LRP1B: variants seen among roughly 807,000 people sequenced by gnomAD.
LRP1B encodes LDL receptor related protein 1B.
LRP1B carries 217 observed loss-of-function variants against 556.6 expected under a neutral mutation model. That is an observed-to-expected ratio of 0.39 (90% CI 0.35 to 0.44). The LOEUF is 0.44. Ranked by LOEUF, LRP1B falls within the 20% of genes least tolerant of loss-of-function variation. LRP1B has a pLI of 1.00. For missense variants in LRP1B, 5,053 were observed against 5,620.8 expected, an observed-to-expected ratio of 0.90 and a Z score of 3.23; for synonymous variants, 2,047 against 1,865.8, an observed-to-expected ratio of 1.10 and a Z score of -2.50.
chr2:141,951,715 C>T (rs2105034792), intron 1 of LRP1B, among the ~76,000 whole-genome samples: 1 of 152,102 alleles, frequency 6.6e-6, no homozygotes, highest in Non-Finnish European at 1.5e-5. Flanking sequence ...CATATATAGA[C>T]AATTGGATTT....
chr2:141,469,166 C>G (rs1682358688), intron 3 of LRP1B, among the ~76,000 whole-genome samples: 2 of 152,132 alleles, frequency 1.3e-5, no homozygotes, highest in African/African-American at 4.8e-5. Context: ...CATCTAAATT[C>G]AAATATGCAA....
At chr2:141,314,853 T>TAC (rs1161398840) in intron 3 of LRP1B, among the ~76,000 whole-genome samples, 2 of 126,968 alleles carry the variant, frequency 1.6e-5, no homozygotes, top group Non-Finnish European at 3.3e-5. Context: ...TACACATATA[T>TAC]ATACATATAT....
intron 7 of LRP1B, among the ~76,000 whole-genome samples, chr2:141,081,973 GT>G (rs1444955560): frequency 2.0e-5 from 3 of 152,000 alleles, no homozygotes; most frequent in Admixed American, 6.6e-5. Flanking sequence ...TATTGTCAAT[GT>G]TTTTTATAAA....
chr2:141,585,475 G>T (rs566640893), intron 2 of LRP1B, among the ~76,000 whole-genome samples: 1 of 150,360 alleles, frequency 6.7e-6, no homozygotes, highest in Non-Finnish European at 1.5e-5. Flanking sequence ...GTGTGATGGG[G>T]TGGGGCTGAG....
At chr2:141,866,689 T>G (rs1213696400) in intron 1 of LRP1B, among the ~76,000 whole-genome samples, 1 of 151,768 alleles carries the variant, frequency 6.6e-6, no homozygotes, top group African/African-American at 2.4e-5. Context: ...CACAGCTCTA[T>G]TTGGTATTTA....
chr2:140,523,967 C>T (rs1483299962), intron 49 of LRP1B, among the ~76,000 whole-genome samples: 1 of 151,730 alleles, frequency 6.6e-6, no homozygotes, highest in Non-Finnish European at 1.5e-5. Flanking sequence ...CAGAAATTGA[C>T]AAATGGGACT....
At chr2:140,470,391 C>T (rs552306542) in intron 60 of LRP1B, among the ~76,000 whole-genome samples, 64 of 152,188 alleles carry the variant, frequency 4.2e-4, no homozygotes, top group African/African-American at 1.5e-3. Flanking sequence ...CGCCTGTAAT[C>T]CCAGCACTTT....
At chr2:141,340,383 C>T (rs570785478) in intron 3 of LRP1B, among the ~76,000 whole-genome samples, 104 of 152,276 alleles carry the variant, frequency 6.8e-4, no homozygotes, top group African/African-American at 2.4e-3. Context: ...CTTTTCTTCA[C>T]ATCAGAGTGA....
rs550288265 is a variant in LRP1B at position 140,814,729 on chromosome 2, G to T, written c.5210-923C>A. ...GTACAGAATTAAATTGAGCTCATTT[G>T]GTGGTTGATATGGGGGAGATAAACC... On this transcript the variant is annotated intron_variant, in intron 31 of 90. Transcript: ENST00000389484. 5.9e-5 allele frequency among the ~76,000 whole-genome samples: 9 copies of T among 152,228 alleles called. No homozygotes were observed. In the East Asian group the frequency reaches 1.7e-3, roughly 29 times the overall value.
chr2:140,894,621 C>T (rs936165739), intron 23 of LRP1B, among the ~76,000 whole-genome samples: 7 of 151,950 alleles, frequency 4.6e-5, no homozygotes, highest in African/African-American at 1.7e-4. Flanking sequence ...TTGAGGTGAC[C>T]TGATGATATC....
intron 2 of LRP1B, among the ~76,000 whole-genome samples, chr2:141,538,065 T>A (rs1246104086): frequency 6.6e-6 from 1 of 152,142 alleles, no homozygotes; most frequent in Non-Finnish European, 1.5e-5. Context: ...TTTTAATGAG[T>A]TATTGCAAAA....
intron 43 of LRP1B, among the ~76,000 whole-genome samples, chr2:140,566,367 C>A (rs1157953040): frequency 6.6e-6 from 1 of 152,126 alleles, no homozygotes; most frequent in Admixed American, 6.5e-5. Context: ...CACTGCTGAG[C>A]CCAGCAACTA....
At chr2:140,475,382 G>T (rs767230446) in intron 59 of LRP1B, 45 bp from the exon 60 acceptor site, 2 of 1,422,240 alleles carry the variant, frequency 1.4e-6, no homozygotes, top group South Asian at 1.3e-5. Flanking sequence ...GATTCTCTGG[G>T]AGCAAAACAA....
chr2:141,108,174 T>C (rs1700654682), intron 7 of LRP1B, among the ~76,000 whole-genome samples: 1 of 152,076 alleles, frequency 6.6e-6, no homozygotes, highest in Admixed American at 6.6e-5. Context: ...GTGTTTCCTT[T>C]AGAACTTCTT....
chr2:140,554,602 T>C (rs948007364), intron 43 of LRP1B, among the ~76,000 whole-genome samples: 1 of 152,096 alleles, frequency 6.6e-6, no homozygotes, highest in African/African-American at 2.4e-5. Context: ...ACAGTTTTTG[T>C]ATACATTCAT....
chr2:140,788,725 G>A (rs1174232966), intron 32 of LRP1B, among the ~76,000 whole-genome samples: 1 of 152,156 alleles, frequency 6.6e-6, no homozygotes, highest in African/African-American at 2.4e-5. Flanking sequence ...GTTAGTTTAG[G>A]TGATAACCCT....
intron 1 of LRP1B, among the ~76,000 whole-genome samples, chr2:142,017,647 G>A (rs973440322): frequency 1.3e-5 from 2 of 152,122 alleles, no homozygotes; most frequent in Non-Finnish European, 2.9e-5. Context: ...CCACAAGGGA[G>A]AAGGATCACT....
chr2:141,814,727 T>C (rs1346514785), intron 1 of LRP1B, among the ~76,000 whole-genome samples: 2 of 152,136 alleles, frequency 1.3e-5, no homozygotes, highest in African/African-American at 4.8e-5. Flanking sequence ...TATCTAATAG[T>C]GAAATATTTA....
chr2:140,236,598 A>T (rs1297925504), intron 89 of LRP1B, among the ~76,000 whole-genome samples: 3 of 150,902 alleles, frequency 2.0e-5, no homozygotes, highest in Non-Finnish European at 4.5e-5. Context: ...ACTAACAAAT[A>T]TTTTTAAATT....
Sources: allele counts gnomAD v4.1 joint callset (sites outside exome capture counted in the v4.1 genomes callset), GRCh38; gene constraint gnomAD v4.1.1; transcripts MANE v1.5; gene names NCBI Gene and HGNC (gene_info 2026-07-23, HGNC 2026-07-21).